The following NHSL1 variants were observed in gnomAD, a reference collection of about 807,000 sequenced individuals.
The protein encoded by NHSL1 is NHS-like protein 1.
NHSL1 carries 48 observed loss-of-function variants against 95.0 expected under a neutral mutation model. That is an observed-to-expected ratio of 0.51 (90% confidence interval 0.40 to 0.64). The LOEUF is 0.64. Ranked by LOEUF, NHSL1 falls within the 30% of genes least tolerant of loss-of-function variation. NHSL1 has a pLI of 0.00. For synonymous variants in NHSL1, 783 were observed against 833.9 expected (o/e 0.94, Z 1.05); for missense variants, 1,971 against 2,077.7 (o/e 0.95, Z 1.00).
At chr6:138,569,877 AT>A (rs973082179) in intron 1 of NHSL1, among the ~76,000 whole-genome samples, 2 of 152,030 alleles carry the variant, frequency 1.3e-5, no homozygotes, top group African/African-American at 4.8e-5. Context: ...ATGCCCAATT[AT>A]TTAAAAAAAA....
At chr6:138,677,391 G>A (rs1019129547) in intron 1 of NHSL1, among the ~76,000 whole-genome samples, 13 of 152,096 alleles carry the variant, frequency 8.5e-5, no homozygotes, top group Non-Finnish European at 1.6e-4. Context: ...GCTGTTTAAA[G>A]TTCTAGGAAA....
In NHSL1 at chr6:138,519,478, A is replaced by G. The variant is rs75148377; in HGVS notation, c.17-23107T>C. On this transcript the variant is annotated intron_variant, in intron 1 of 4. Coordinates refer to the NHSL1 transcript ENST00000342260. ...TTTTTTTAAACCAGAGAAATATCTT[A>G]GATGAAGAAAGTAATTTGCTACCAT... Among the ~76,000 whole-genome samples the G allele has an allele frequency of 6.2e-3, 952 of 152,336 alleles. 23 individuals carry two copies. The highest frequency in any genetic ancestry group is 0.048 in the Admixed American group (737 of 15,298).
At chr6:138,544,423 C>G (rs1363011892) in intron 1 of NHSL1, among the ~76,000 whole-genome samples, 1 of 151,574 alleles carries the variant, frequency 6.6e-6, no homozygotes, top group East Asian at 1.9e-4. Context: ...ATGTGATGTT[C>G]CTTTTTGTTC....
intron 1 of NHSL1, among the ~76,000 whole-genome samples, chr6:138,507,239 A>C (rs570029798): frequency 6.6e-5 from 10 of 152,280 alleles, no homozygotes; most frequent in Non-Finnish European, 1.3e-4. Context: ...TACAAACATC[A>C]CCTATGGTAA....
At chr6:138,605,371 G>A (rs577179052) in intron 1 of NHSL1, among the ~76,000 whole-genome samples, 7 of 152,242 alleles carry the variant, frequency 4.6e-5, no homozygotes, top group Admixed American at 3.3e-4. Flanking sequence ...GACAACAGGC[G>A]TGCGCCAACA....
intron 1 of NHSL1, among the ~76,000 whole-genome samples, chr6:138,509,551 T>C (rs573811793): frequency 9.2e-5 from 14 of 152,038 alleles, no homozygotes; most frequent in Admixed American, 8.5e-4. Flanking sequence ...ACTGACAAAA[T>C]AAAGTAGAAG....
chr6:138,629,176 A>C (rs1352825657), intron 1 of NHSL1, among the ~76,000 whole-genome samples: 1 of 152,216 alleles, frequency 6.6e-6, no homozygotes, highest in Non-Finnish European at 1.5e-5. Context: ...AACTGAATAA[A>C]GTTATCCTCC....
intron 1 of NHSL1, among the ~76,000 whole-genome samples, chr6:138,542,001 T>A (rs1782599732): frequency 6.6e-6 from 1 of 152,212 alleles, no homozygotes; most frequent in Admixed American, 6.5e-5. Flanking sequence ...CAAAATCATG[T>A]CCGCTCACAA....
At position 138,430,762 on chromosome 6, in the gene NHSL1, T is replaced by TG. The variant is rs1562257142; in HGVS notation, c.3582dup (p.Ile1195HisfsTer70). On this transcript the variant is annotated frameshift_variant, in exon 6 of 8. Coordinates refer to ENST00000343505, the MANE Select transcript of NHSL1 (RefSeq NM_001144060.2). LOFTEE classifies it high-confidence loss of function. The surrounding 1 kb of genome is among the most constrained non-coding windows in gnomAD (Gnocchi z 4.7). ...AGGAACAGTTTGGGCTTCTTGGAAA[T>TG]GGGGGGTGGCTTCCTGCTGGGTGAA... The TG allele has an allele frequency of 6.4e-7, 1 of 1,551,334 alleles. No individual in the cohort carries two copies. The highest frequency in any genetic ancestry group is 1.4e-5 in the African/African-American group (1 of 72,944).
rs554103090 is a variant in NHSL1, at chr6:138,498,032, AACTATCAATCTT to A, written c.58+1189_58+1200del. Among the ~76,000 whole-genome samples the A allele has an allele frequency of 1.8e-4, 27 of 152,340 alleles. No homozygotes were observed. In the East Asian group the frequency reaches 4.4e-3, roughly 25 times the overall value. On this transcript the variant is annotated intron_variant, in intron 1 of 7. Coordinates refer to ENST00000343505, the MANE Select transcript of NHSL1 (RefSeq NM_001144060.2). ...AGCAAATGTTTTGCATGGTGCATAC[AACTATCAATCTT>A]AATACACAAAATCCACAAAGACCTG... is the stretch of plus-strand genomic sequence containing the variant.
At chr6:138,567,883 C>T (rs895358414) in intron 1 of NHSL1, among the ~76,000 whole-genome samples, 3 of 152,168 alleles carry the variant, frequency 2.0e-5, no homozygotes, top group African/African-American at 7.2e-5. Flanking sequence ...ATTACCTTCT[C>T]TATCTGCTGA....
Position 138,433,390 on chromosome 6 carries a change from C to T in NHSL1, c.955G>A (p.Asp319Asn), listed in dbSNP as rs1024626316. ...GIVFPSRLDS[D>N]AGFHSLPRSG... Reference sequence around the variant, plus strand: ...CGCGGAAGACTATGGAAGCCAGCATCACTGTCAAGGCGGGAAGGGAATACG... The same window carrying T: ...CGCGGAAGACTATGGAAGCCAGCATTACTGTCAAGGCGGGAAGGGAATACG... The change falls in exon 6 of 8, where the codon GAT becomes AAT. Residue 319 changes from aspartate to asparagine, a missense_variant. Asp to Asn is a conservative substitution (Grantham distance 23). This residue lies in a region of NHSL1 where 1,602 missense variants were observed against 1,654.5 expected (regional missense o/e 0.97). Transcript: ENST00000343505. 15 of 1,552,222 alleles carry T rather than the reference C, an allele frequency of 9.7e-6. No individual in the cohort carries two copies. The highest frequency in any genetic ancestry group is 1.3e-5 in the Non-Finnish European group (15 of 1,147,146).
In NHSL1 at chr6:138,652,226, G is replaced by A. The variant is rs569328986; in HGVS notation, c.96+40250C>T. 4.6e-5 allele frequency among the ~76,000 whole-genome samples: 7 copies of A among 152,156 alleles called. No homozygotes were observed. In the South Asian group the frequency reaches 1.5e-3, roughly 32 times the overall value. On this transcript the variant is annotated intron_variant, in intron 1 of 3. Transcript: ENST00000491526. ...GGAGGCTGAGGTGGGCAGATCACCT[G>A]AGGTCAGGAGTTCGAGACCAGCCTG... is the stretch of plus-strand genomic sequence containing the variant.
intron 1 of NHSL1, among the ~76,000 whole-genome samples, chr6:138,681,686 A>G (rs1785513240): frequency 6.6e-6 from 1 of 152,222 alleles, no homozygotes; most frequent in East Asian, 1.9e-4. Context: ...TGGATTATGC[A>G]TAACATACCC....
At chr6:138,662,276 T>A (rs1785237507) in intron 1 of NHSL1, among the ~76,000 whole-genome samples, 1 of 152,186 alleles carries the variant, frequency 6.6e-6, no homozygotes, top group Non-Finnish European at 1.5e-5. Flanking sequence ...GATTCCTGGA[T>A]TGTCATTAAA....
At chr6:138,515,073 A>C (rs1436572759) in intron 1 of NHSL1, among the ~76,000 whole-genome samples, 2 of 152,190 alleles carry the variant, frequency 1.3e-5, no homozygotes, top group African/African-American at 4.8e-5. Flanking sequence ...AGTGTGGATC[A>C]GCTGACCACA....
At chr6:138,566,948 T>C (rs532426702) in intron 1 of NHSL1, among the ~76,000 whole-genome samples, 1 of 152,192 alleles carries the variant, frequency 6.6e-6, no homozygotes, top group South Asian at 2.1e-4. Flanking sequence ...AAACTTCCTT[T>C]GGCTATTTTT....
rs1394517834 is a variant in NHSL1 at position 138,431,638 on chromosome 6, T to C, written c.2707A>G (p.Thr903Ala). The change falls in exon 6 of 8, where the codon ACT (threonine) becomes GCT (alanine). Residue 903 changes from threonine (T) to alanine (A), a missense_variant. Transcript: ENST00000343505. This position sits in a 1 kb window ranked among gnomAD's most constrained non-coding sequence, Gnocchi z 4.0. ...ISSVSISSSSTSLSSSTSTEG... is the reference protein window; with the variant it reads ...ISSVSISSSSASLSSSTSTEG... ...GTAGAAGTACTAGAAGAAAGAGAAGTGGACGATGAGGAAATGGATACTGAA... is the reference window on the plus strand; with the variant it reads ...GTAGAAGTACTAGAAGAAAGAGAAGCGGACGATGAGGAAATGGATACTGAA... 6.4e-7 allele frequency: 1 copy of C among 1,551,492 alleles called. No homozygotes were observed. The highest frequency in any genetic ancestry group is 8.7e-7 in the Non-Finnish European group (1 of 1,146,884).
intron 1 of NHSL1, among the ~76,000 whole-genome samples, chr6:138,565,782 T>C (rs1033759107): frequency 2.0e-5 from 3 of 150,896 alleles, no homozygotes; most frequent in Non-Finnish European, 4.4e-5. Flanking sequence ...TAAAATAAAA[T>C]AAAATAAAAA....
Sources: allele counts gnomAD v4.1 joint callset (sites outside exome capture counted in the v4.1 genomes callset), GRCh38; gene constraint gnomAD v4.1.1; regional missense constraint gnomAD v4.1.1; non-coding constraint Gnocchi (gnomAD v3.1); transcripts MANE v1.5; gene names NCBI Gene and HGNC (gene_info 2026-07-23, HGNC 2026-07-21).